The following DHX35 variants were observed in gnomAD, a reference collection of about 807,000 sequenced individuals.
DHX35 encodes DEAH-box helicase 35.
DHX35 carries 84 observed loss-of-function variants against 99.6 expected under a neutral mutation model. The ratio of observed to expected loss-of-function variants is 0.84; its 90% confidence interval spans 0.71 to 1.01. The LOEUF is 1.01. Ranked by LOEUF, DHX35 falls within the 50% of genes least tolerant of loss-of-function variation. The probability of loss-of-function intolerance (pLI) is 0.00; values close to 1 mark genes in which losing one functional copy is unlikely to be tolerated. For missense variants in DHX35, 852 were observed against 888.5 expected, an observed-to-expected ratio of 0.96 and a Z score of 0.52; for synonymous variants, 331 against 316.2, an observed-to-expected ratio of 1.05 and a Z score of -0.50.
intron 8 of DHX35, among the ~76,000 whole-genome samples, chr20:38,995,726 A>G (rs911498913): frequency 1.5e-4 from 23 of 152,206 alleles, no homozygotes; most frequent in African/African-American, 5.3e-4. Context: ...TGAGGCAGCT[A>G]AGGAGGGAGC....
At chr20:39,000,333 C>T (rs1173572475) in intron 8 of DHX35, among the ~76,000 whole-genome samples, 1 of 152,176 alleles carries the variant, frequency 6.6e-6, no homozygotes, top group Non-Finnish European at 1.5e-5. Context: ...GCACGTCTGC[C>T]TTCTGTGAAC....
At chr20:39,012,619 T>A (rs986537442) in intron 13 of DHX35, among the ~76,000 whole-genome samples, 1 of 152,096 alleles carries the variant, frequency 6.6e-6, no homozygotes, top group African/African-American at 2.4e-5. Flanking sequence ...AACCTCTGCC[T>A]CTTGGGTTCA....
At chr20:39,006,406 G>A (rs1568742404) in intron 12 of DHX35, 50 bp downstream of exon 12, 2 of 1,591,394 alleles carry the variant, frequency 1.3e-6, no homozygotes, top group Admixed American at 1.7e-5. Context: ...AGTCAGCCTG[G>A]GCAACAGAGT....
In DHX35 at chr20:38,997,924, G is replaced by A. The variant is rs191745592; in HGVS notation, c.642+3044G>A. ...CTGCCCCCCAGCGGCTGGGTCTGTG[G>A]GTGACAGACTAATTTCAAACCTCCT... is the stretch of plus-strand genomic sequence containing the variant. On this transcript the variant is annotated intron_variant, in intron 8 of 21. Transcript: ENST00000252011. 1.7e-3 allele frequency among the ~76,000 whole-genome samples: 266 copies of A among 152,276 alleles called. 1 individual carries two copies. Among genetic ancestry groups the A allele is most frequent in the African/African-American group, 6.0e-3 (251 of 41,544 alleles).
intron 9 of DHX35, 22 bp downstream of exon 9, chr20:39,001,864 G>A (rs1349098308): frequency 6.4e-7 from 1 of 1,555,232 alleles, no homozygotes. Context: ...CTTGAATTCT[G>A]GATGATGGTG....
At chr20:38,988,955 G>A in intron 5 of DHX35, 38 bp downstream of exon 5, 2 of 1,601,374 alleles carry the variant, frequency 1.2e-6, no homozygotes, top group Non-Finnish European at 1.7e-6. Flanking sequence ...TGGAAATAAG[G>A]AAGAAGGTTA....
chr20:39,022,526 G>T (rs1301873797), intron 16 of DHX35, among the ~76,000 whole-genome samples: 2 of 152,176 alleles, frequency 1.3e-5, no homozygotes, highest in African/African-American at 4.8e-5. Flanking sequence ...AGCCAGAATT[G>T]TTGGCTCTGG....
intron 8 of DHX35, among the ~76,000 whole-genome samples, chr20:38,999,588 G>A (rs2086486710): frequency 6.6e-6 from 1 of 152,190 alleles, no homozygotes; most frequent in Non-Finnish European, 1.5e-5. Flanking sequence ...ATCCCCGGTC[G>A]AGTAAGAGTC....
rs1409702930 is a variant in DHX35 at position 39,038,886 on chromosome 20, T to G, written c.*343T>G. ...GGAAACAAGGAGGAAAGTTAGCCAC[T>G]GAAGGCCAAAACACCATGTGGGGTG... On this transcript the variant is annotated 3_prime_UTR_variant, in exon 22 of 22. Coordinates refer to ENST00000252011, the MANE Select transcript of DHX35 (RefSeq NM_021931.4). The G allele has an allele frequency of 5.6e-6, 2 of 354,534 alleles. No homozygotes were observed. The highest frequency in any genetic ancestry group is 4.2e-5 in the African/African-American group (2 of 47,842). 22.0% of individuals were successfully genotyped at this position (354,534 alleles called of 1,614,324 possible).
At chr20:39,019,444 G>A (rs917113805) in intron 15 of DHX35, among the ~76,000 whole-genome samples, 1 of 151,982 alleles carries the variant, frequency 6.6e-6, no homozygotes, top group Non-Finnish European at 1.5e-5. Context: ...CTAACTTTTG[G>A]CTATTGTGAA....
At chr20:38,971,666 C>T (rs989770920) in intron 2 of DHX35, among the ~76,000 whole-genome samples, 22 of 152,140 alleles carry the variant, frequency 1.4e-4, no homozygotes, top group African/African-American at 4.6e-4. Context: ...AAACAGTCTA[C>T]GCATAAACAA....
At chr20:39,037,391 T>G (rs2087171767) in intron 21 of DHX35, among the ~76,000 whole-genome samples, 1 of 152,250 alleles carries the variant, frequency 6.6e-6, no homozygotes. Context: ...GAGCCTGTAG[T>G]AGTCCTCCCT....
In DHX35 at chr20:39,018,416, C is replaced by T. The variant is rs1219849454; in HGVS notation, c.1403-388C>T. On this transcript the variant is annotated intron_variant, in intron 14 of 21. Coordinates refer to ENST00000252011, the MANE Select transcript of DHX35 (RefSeq NM_021931.4). The stretch of plus-strand genomic sequence containing the variant: ...TGCTGCTGAGGCCATCAGGAAGATG[C>T]CTTGCGTTTGGTGCTACCCAGTTGT... Among the ~76,000 whole-genome samples the T allele has an allele frequency of 2.6e-5, 4 of 151,910 alleles. No homozygotes were observed. In the East Asian group the frequency reaches 7.8e-4, roughly 30 times the overall value.
chr20:39,032,146 G>C (rs917528145), intron 20 of DHX35, among the ~76,000 whole-genome samples: 5 of 152,138 alleles, frequency 3.3e-5, no homozygotes, highest in Admixed American at 2.0e-4. Flanking sequence ...TAAAAGTACT[G>C]ATCAACCATG....
chr20:39,008,542 A>G (rs776548607), intron 12 of DHX35, among the ~76,000 whole-genome samples: 2 of 152,168 alleles, frequency 1.3e-5, no homozygotes, highest in Non-Finnish European at 2.9e-5. Flanking sequence ...TGAGCAGTTT[A>G]GTGGAAGTGG....
At chr20:39,035,668 G>A (rs1036787378) in intron 21 of DHX35, among the ~76,000 whole-genome samples, 7 of 152,176 alleles carry the variant, frequency 4.6e-5, no homozygotes, top group Non-Finnish European at 8.8e-5. Flanking sequence ...GGGCTTAGGG[G>A]TGGCTGCCTG....
chr20:39,023,120 C>T (rs1312087653), intron 16 of DHX35, among the ~76,000 whole-genome samples: 1 of 152,184 alleles, frequency 6.6e-6, no homozygotes, highest in Admixed American at 6.5e-5. Context: ...AGAACACTAA[C>T]ATTTTATCAA....
chr20:39,034,896 G>A (rs974041370), intron 21 of DHX35, among the ~76,000 whole-genome samples: 3 of 151,730 alleles, frequency 2.0e-5, no homozygotes, highest in East Asian at 1.9e-4. Flanking sequence ...GGGATTACAG[G>A]TATGAGCCAG....
chr20:39,026,889 A>G (rs998714640), intron 18 of DHX35, among the ~76,000 whole-genome samples: 1 of 152,192 alleles, frequency 6.6e-6, no homozygotes, highest in Non-Finnish European at 1.5e-5. Flanking sequence ...CAGCAGGTAG[A>G]TGACAGCCTT....
Sources: gnomAD v4.1 joint callset for allele counts (sites outside exome capture counted in the v4.1 genomes callset) on GRCh38, gnomAD v4.1.1 for gene constraint, MANE v1.5 for transcripts, NCBI Gene and HGNC (gene_info 2026-07-23, HGNC 2026-07-21) for gene names.